Variants in OR2T12 observed in about 807,000 individuals in gnomAD.
The protein encoded by OR2T12 is olfactory receptor family 2 subfamily T member 12.
For synonymous variants in OR2T12, 127 were observed against 160.5 expected, an observed-to-expected ratio of 0.79 and a Z score of 1.58; for missense variants, 335 against 404.3, an observed-to-expected ratio of 0.83 and a Z score of 1.47.
chr1:248,298,830 GT>G (rs574291519), intron 2 of OR2T12, among the ~76,000 whole-genome samples: 2 of 151,450 alleles, frequency 1.3e-5, no homozygotes, highest in Admixed American at 6.6e-5. Flanking sequence ...TTTTTGAAGG[GT>G]TTTTTGTGCC....
rs1403788406 is a variant in OR2T12 at position 248,294,886 on chromosome 1, G to A, written c.693C>T (p.Ala231=). The A allele has an allele frequency of 1.2e-6, 2 of 1,612,060 alleles. No individual in the cohort carries two copies. Among genetic ancestry groups the A allele is most frequent in the African/African-American group, 1.3e-5 (1 of 74,926 alleles). Residue 231 remains alanine, a synonymous_variant, in exon 3 of 3, where the codon GCC becomes GCT. Transcript: ENST00000641276. ...AAVLLMRSTE[A]RKKAFATCSS... ...AGCAGGTGGCAAAGGCCTTCTTGCG[G>A]GCTTCTGTAGAGCGCATGAGCAGAA...
In OR2T12 at chr1:248,292,218, G is replaced by T. The variant is rs1659643279; in HGVS notation, c.*2398C>A. On this transcript the variant is annotated 3_prime_UTR_variant, in exon 3 of 3. Transcript: ENST00000641276. Reference sequence around the variant, plus strand: ...GCAGTGTAAAGGAAAGAGCCAGAATGATTGAAGATAGCAGGTAATATCCAA... The same window carrying T: ...GCAGTGTAAAGGAAAGAGCCAGAATTATTGAAGATAGCAGGTAATATCCAA... The T allele has an allele frequency of 6.6e-6, 1 of 152,080 alleles. No individual in the cohort carries two copies. The highest frequency in any genetic ancestry group is 6.6e-5 in the Admixed American group (1 of 15,266). 9.4% of individuals were successfully genotyped at this position (152,080 alleles called of 1,614,324 possible).
chr1:248,301,226 A>G (rs1659807671), intron 2 of OR2T12, 147 bp downstream of exon 2: 1 of 152,120 alleles, frequency 6.6e-6, no homozygotes, highest in African/African-American at 2.4e-5. Flanking sequence ...GAAAATACTG[A>G]GCACTAGATT....
At chr1:248,301,689 AATTTT>A (rs1659813157) in intron 1 of OR2T12, 136 bp from the exon 2 acceptor site, 1 of 152,108 alleles carries the variant, frequency 6.6e-6, no homozygotes, top group Non-Finnish European at 1.5e-5. Context: ...TTATGCTTCT[AATTTT>A]ATTTATTTTA....
At chr1:248,302,642 AGGT>A (rs1435178161) in intron 1 of OR2T12, among the ~76,000 whole-genome samples, 1 of 152,156 alleles carries the variant, frequency 6.6e-6, no homozygotes, top group Non-Finnish European at 1.5e-5. Context: ...TCATTAATAC[AGGT>A]TGAGGATTCT....
rs1000401608 is a variant in OR2T12 at position 248,290,885 on chromosome 1, G to A, written c.*3731C>T. ...TGACATGGTATCTCACTGTGGTTTC[G>A]ATTTGCATTTCTATAAGGACCAGTG... On this transcript the variant is annotated 3_prime_UTR_variant, in exon 3 of 3. Coordinates refer to ENST00000641276, the MANE Select transcript of OR2T12 (RefSeq NM_001004692.2). The A allele has an allele frequency of 2.6e-5, 4 of 151,996 alleles. No individual in the cohort carries two copies. The highest frequency in any genetic ancestry group is 4.8e-5 in the African/African-American group (2 of 41,382). The allele number at this position is 151,996 out of a possible 1,614,324, so 9.4% of individuals were successfully genotyped here. A position where few individuals can be genotyped will look rare whatever the true frequency, so the allele number is the denominator to read the frequency against.
rs745341190 is a variant in OR2T12 at position 248,294,804 on chromosome 1, T to A, written c.775A>T (p.Arg259Ter). 1.2e-6 allele frequency: 2 copies of A among 1,613,752 alleles called. No individual in the cohort carries two copies. The highest frequency in any genetic ancestry group is 8.5e-7 in the Non-Finnish European group (1 of 1,179,862). Residue 259 changes from arginine (R) to a stop codon, truncating the protein, a stop_gained, in exon 3 of 3, where the codon AGA (arginine) becomes TGA (stop). Coordinates refer to ENST00000641276, the MANE Select transcript of OR2T12 (RefSeq NM_001004692.2). LOFTEE classifies it low-confidence loss of function (END_TRUNC). ...TTAGTGGACCTGTGGGATTTGGGTC[T>A]CATATAGGTAAAAATGCCAGCTCCA... ...FYGAGIFTYM[R>*]PKSHRSTNHD...
rs543687239 is a variant in OR2T12, at chr1:248,298,007, T to G, written c.-8-2421A>C. ...TGGGTTTGTCATAGATAGCTCTTATTATTTTGAGATATGTCCCATCAATAC... is the reference window on the plus strand; with the variant it reads ...TGGGTTTGTCATAGATAGCTCTTATGATTTTGAGATATGTCCCATCAATAC... On this transcript the variant is annotated intron_variant, in intron 2 of 2. Transcript: ENST00000641276. Among the ~76,000 whole-genome samples the G allele has an allele frequency of 3.5e-4, 53 of 151,868 alleles. No individual in the cohort carries two copies. The East Asian group carries it at 7.9e-3, about 23-fold the overall frequency.
chr1:248,299,098 C>G lies in OR2T12; in HGVS notation c.-9+2275G>C, dbSNP rs892483964. On this transcript the variant is annotated intron_variant, in intron 2 of 2. Transcript: ENST00000641276. ...ACAAAATCATGCCAAATTGTAAAGACCATCAAGGCTAGGAGGAAACTGCAT... is the reference window on the plus strand; with the variant it reads ...ACAAAATCATGCCAAATTGTAAAGAGCATCAAGGCTAGGAGGAAACTGCAT... 9.9e-5 allele frequency among the ~76,000 whole-genome samples: 15 copies of G among 152,260 alleles called. No homozygotes were observed. In the East Asian group the frequency reaches 2.9e-3, roughly 29 times the overall value.
Position 248,292,117 on chromosome 1 carries a change from T to C in OR2T12, c.*2499A>G, listed in dbSNP as rs1659642019. The stretch of plus-strand genomic sequence containing the variant: ...TAAATAGCTTCTGCACAGCAGAAGA[T>C]GAATAAATTCTAGTCGGAGCCACAA... On this transcript the variant is annotated 3_prime_UTR_variant, in exon 3 of 3. Transcript: ENST00000641276. 1 of 151,762 alleles carries C rather than the reference T, an allele frequency of 6.6e-6. No individual in the cohort carries two copies. The highest frequency in any genetic ancestry group is 2.1e-4 in the South Asian group (1 of 4,824). 9.4% of individuals were successfully genotyped at this position (151,762 alleles called of 1,614,324 possible).
intron 2 of OR2T12, among the ~76,000 whole-genome samples, chr1:248,298,982 T>G (rs1659775039): frequency 6.6e-6 from 1 of 152,102 alleles, no homozygotes; most frequent in South Asian, 2.1e-4. Flanking sequence ...GACAAGCAAA[T>G]GCTGACAGAT....
Position 248,301,031 on chromosome 1 carries a change from A to G in OR2T12, c.-9+342T>C, listed in dbSNP as rs557832695. 5.2e-4 allele frequency among the ~76,000 whole-genome samples: 79 copies of G among 152,242 alleles called. 1 individual carries two copies. Among genetic ancestry groups the G allele is most frequent in the Non-Finnish European group, 8.1e-4 (55 of 67,972 alleles). ...CATATCCCTCTGAATTGTCTCCATC[A>G]CATTAGTTTAGGCTGAATTTATATA... On this transcript the variant is annotated intron_variant, in intron 2 of 2. Transcript: ENST00000641276.
rs1270496902 is a variant in OR2T12, at chr1:248,294,879, TC to T, written c.699del (p.Lys234ArgfsTer25). The T allele has an allele frequency of 6.2e-7, 1 of 1,611,950 alleles. No individual in the cohort carries two copies. The highest frequency in any genetic ancestry group is 8.5e-7 in the Non-Finnish European group (1 of 1,179,800). On this transcript the variant is annotated frameshift_variant, in exon 3 of 3. Transcript: ENST00000641276. LOFTEE classifies it low-confidence loss of function (END_TRUNC). ...TGTGAAGAGCAGGTGGCAAAGGCCT[TC>T]TTGCGGGCTTCTGTAGAGCGCATGA... ...VLLMRSTEAR[K>X]KAFATCSSHV... is the part of the protein sequence containing the mutation.
At position 248,294,501 on chromosome 1, in the gene OR2T12, T is replaced by C; in HGVS notation, c.*115A>G. On this transcript the variant is annotated 3_prime_UTR_variant, in exon 3 of 3. Coordinates refer to ENST00000641276, the MANE Select transcript of OR2T12 (RefSeq NM_001004692.2). ...TTGGCTCACTTCATTCTTAAAAATA[T>C]CTTATTATATCAATACACAAACTTA... 6 of 1,345,992 alleles carry C rather than the reference T, an allele frequency of 4.5e-6. No homozygotes were observed. Among genetic ancestry groups the C allele is most frequent in the Non-Finnish European group, 6.1e-6 (6 of 983,878 alleles). 83.4% of individuals were successfully genotyped at this position (1,345,992 alleles called of 1,614,324 possible). A position where few individuals can be genotyped will look rare whatever the true frequency, so the allele number is the denominator to read the frequency against.
Position 248,294,625 on chromosome 1 carries a change from C to A in OR2T12, c.954G>T (p.Arg318Ser). ...CTCATCTGACACTAGATCATCTTGA[C>A]CTGTGGGCCTCATTTTGCTGGTGTT... Reference protein sequence around the residue: ...NLKHQQNEAHRSR With the variant: ...NLKHQQNEAHSSR Residue 318 changes from arginine (R) to serine (S), a missense_variant, in exon 3 of 3, where the codon AGG (arginine) becomes AGT (serine). Arg to Ser is a moderately radical substitution (Grantham distance 110, BLOSUM62 -1). Coordinates refer to ENST00000641276, the MANE Select transcript of OR2T12 (RefSeq NM_001004692.2). 6.2e-7 allele frequency: 1 copy of A among 1,613,722 alleles called. No homozygotes were observed. The highest frequency in any genetic ancestry group is 8.5e-7 in the Non-Finnish European group (1 of 1,179,846).
rs376910225 is a variant in OR2T12, at chr1:248,294,956, G to C, written c.623C>G (p.Pro208Arg). ...YICCVLMLLV[P>R]FSLILSSYGL... is the part of the protein sequence containing the mutation. ...ATAGGAGGACAGGATGAGGGAAAAG[G>C]GGACCAGGAGCATTAACACACAGCA... The change falls in exon 3 of 3, where the codon CCC becomes CGC. Residue 208 changes from proline (P) to arginine (R), a missense_variant. Pro to Arg is a moderately radical substitution (Grantham distance 103). Coordinates refer to ENST00000641276, the MANE Select transcript of OR2T12 (RefSeq NM_001004692.2). 9 of 1,611,554 alleles carry C rather than the reference G, an allele frequency of 5.6e-6. No homozygotes were observed. Among genetic ancestry groups the C allele is most frequent in the Non-Finnish European group, 7.6e-6 (9 of 1,179,814 alleles).
At chr1:248,299,383 A>T (rs568722235) in intron 2 of OR2T12, among the ~76,000 whole-genome samples, 75 of 152,226 alleles carry the variant, frequency 4.9e-4, no homozygotes, top group African/African-American at 1.7e-3. Flanking sequence ...AGGGGTTGCA[A>T]TCCTAGTCTC....
chr1:248,300,373 G>T (rs1401241806), intron 2 of OR2T12, among the ~76,000 whole-genome samples: 3 of 151,970 alleles, frequency 2.0e-5, no homozygotes, highest in Non-Finnish European at 4.4e-5. Flanking sequence ...CTCCCTTTCT[G>T]GTTTTAAAAC....
At chr1:248,298,099 T>C (rs1166001510) in intron 2 of OR2T12, among the ~76,000 whole-genome samples, 4 of 152,100 alleles carry the variant, frequency 2.6e-5, no homozygotes, top group Non-Finnish European at 5.9e-5. Context: ...TCTGCATCTA[T>C]TGACATAATC....
Sources: allele counts gnomAD v4.1 joint callset (sites outside exome capture counted in the v4.1 genomes callset), GRCh38; gene constraint gnomAD v4.1.1; transcripts MANE v1.5; gene names NCBI Gene and HGNC (gene_info 2026-07-23, HGNC 2026-07-21).